DPYD: variants seen among roughly 807,000 people sequenced by gnomAD.
DPYD encodes dihydropyrimidine dehydrogenase.
In DPYD, 109 loss-of-function variants were observed where a neutral mutation model predicts 116.2. The ratio of observed to expected loss-of-function variants is 0.94; its 90% CI spans 0.80 to 1.10. DPYD has a LOEUF of 1.10. DPYD is among the 50% of genes least tolerant of loss of function. DPYD has a pLI of 0.00. For synonymous variants in DPYD, 440 were observed against 432.0 expected (o/e 1.02, Z -0.23); for missense variants, 1,302 against 1,254.5 (o/e 1.04, Z -0.57).
At chr1:97,099,043 A>T (rs1275133484) in intron 20 of DPYD, among the ~76,000 whole-genome samples, 1 of 152,124 alleles carries the variant, frequency 6.6e-6, no homozygotes, top group African/African-American at 2.4e-5. Context: ...AGCATGATAT[A>T]GACACAGTTG....
rs1400001120 is a variant in DPYD at position 97,234,924 on chromosome 1, A to T, written c.2370T>A (p.Ile790=). The change falls in exon 19 of 23, where the codon ATT becomes ATA. Residue 790 remains isoleucine (I), a synonymous_variant. Transcript: ENST00000370192. ...CAGAGTCAATTCCACCAGTAGCCAAAATGGGAAATCCAGGCAGAGCACGAG... is the reference window on the plus strand; with the variant it reads ...CAGAGTCAATTCCACCAGTAGCCAATATGGGAAATCCAGGCAGAGCACGAG... ...SIARALPGFP[I]LATGGIDSAE... is the part of the protein sequence containing the mutation. The T allele has an allele frequency of 2.5e-6, 4 of 1,613,994 alleles. No individual in the cohort carries two copies. The highest frequency in any genetic ancestry group is 1.3e-5 in the African/African-American group (1 of 74,940).
intron 19 of DPYD, among the ~76,000 whole-genome samples, chr1:97,193,925 T>C (rs758158874): frequency 1.3e-5 from 2 of 152,222 alleles, no homozygotes; most frequent in South Asian, 2.1e-4. Context: ...ATGTCCCTTC[T>C]TCAAGGAGGC....
intron 14 of DPYD, among the ~76,000 whole-genome samples, chr1:97,426,274 C>A (rs915720285): frequency 3.3e-5 from 5 of 151,932 alleles, no homozygotes; most frequent in Non-Finnish European, 4.4e-5. Context: ...TGGCAAAATT[C>A]TTTGGGAAAA....
At chr1:97,612,853 G>A (rs979711059) in intron 8 of DPYD, among the ~76,000 whole-genome samples, 1 of 151,888 alleles carries the variant, frequency 6.6e-6, no homozygotes, top group Non-Finnish European at 1.5e-5. Flanking sequence ...TCCTTTCTAT[G>A]AGCATGTGCT....
intron 21 of DPYD, among the ~76,000 whole-genome samples, chr1:97,083,449 T>G (rs987460594): frequency 1.3e-5 from 2 of 152,124 alleles, no homozygotes; most frequent in Non-Finnish European, 2.9e-5. Context: ...GATCTCTAAA[T>G]TATAATATAC....
At position 97,450,101 on chromosome 1, in the gene DPYD, C is replaced by T. The variant is rs1057516388; in HGVS notation, c.1863G>A (p.Trp621Ter). The change falls in exon 14 of 23, where the codon TGG becomes TGA. Residue 621 changes from tryptophan (W) to a stop codon, truncating the protein, a stop_gained. Transcript: ENST00000370192. LOFTEE classifies it high-confidence loss of function. ...ELISEKTAAY[W>*]CQSVTELKAD... The stretch of plus-strand genomic sequence containing the variant: ...CCTTTAGTTCAGTGACACTTTGACA[C>T]CAATATGCAGCCGTTTTCTCACTGA... The T allele has an allele frequency of 4.3e-6, 7 of 1,613,830 alleles. No homozygotes were observed. In the Admixed American group the frequency reaches 6.7e-5, roughly 15 times the overall value.
At chr1:97,150,676 C>T (rs1654947531) in intron 20 of DPYD, among the ~76,000 whole-genome samples, 1 of 152,156 alleles carries the variant, frequency 6.6e-6, no homozygotes, top group African/African-American at 2.4e-5. Flanking sequence ...ATCACTGCAT[C>T]ATCTGCTTTC....
chr1:97,569,183 T>TTAC, intron 11 of DPYD, among the ~76,000 whole-genome samples: 1 of 151,978 alleles, frequency 6.6e-6, no homozygotes, highest in African/African-American at 2.4e-5. Flanking sequence ...GGAAGAATTC[T>TTAC]TACTAATGCA....
intron 17 of DPYD, 102 bp from the exon 18 acceptor site, chr1:97,305,480 T>C (rs1442868644): frequency 7.4e-6 from 11 of 1,484,992 alleles, no homozygotes; most frequent in Non-Finnish European, 1.0e-5. Flanking sequence ...CTATTTTATC[T>C]TGAGAACATG....
chr1:97,876,061 G>T (rs947123620), intron 2 of DPYD, among the ~76,000 whole-genome samples: 33 of 151,934 alleles, frequency 2.2e-4, no homozygotes, highest in African/African-American at 7.7e-4. Flanking sequence ...TTAACTTGGG[G>T]ATAGGAAAAT....
chr1:97,203,016 A>G (rs1659319018), intron 19 of DPYD, among the ~76,000 whole-genome samples: 1 of 152,114 alleles, frequency 6.6e-6, no homozygotes, highest in South Asian at 2.1e-4. Flanking sequence ...AGTCTTCTAC[A>G]CACCAGGATC....
intron 18 of DPYD, among the ~76,000 whole-genome samples, chr1:97,235,794 T>C (rs184664296): frequency 6.6e-6 from 1 of 152,266 alleles, no homozygotes; most frequent in East Asian, 1.9e-4. Flanking sequence ...AACTTACAGA[T>C]TCCATGTTGC....
At chr1:97,563,597 C>T (rs1316679570) in intron 11 of DPYD, among the ~76,000 whole-genome samples, 1 of 152,138 alleles carries the variant, frequency 6.6e-6, no homozygotes, top group Non-Finnish European at 1.5e-5. Context: ...ATGATATCAA[C>T]CAGTAGTGAA....
At chr1:97,394,550 A>G (rs1306645980) in intron 14 of DPYD, 1 of 152,028 alleles carries the variant, frequency 6.6e-6, no homozygotes, top group East Asian at 1.9e-4. Flanking sequence ...AAAGATCACT[A>G]ATCACAGATC....
At chr1:97,513,545 A>C (rs1647966953) in intron 13 of DPYD, among the ~76,000 whole-genome samples, 1 of 151,922 alleles carries the variant, frequency 6.6e-6, no homozygotes, top group Non-Finnish European at 1.5e-5. Flanking sequence ...CAAATTTCAA[A>C]TGTCAAGATT....
intron 18 of DPYD, among the ~76,000 whole-genome samples, chr1:97,243,929 T>C (rs1662542979): frequency 6.6e-6 from 1 of 151,904 alleles, no homozygotes; most frequent in South Asian, 2.1e-4. Context: ...TGTCCAAGAA[T>C]AATAGGACAA....
chr1:97,759,151 C>T (rs961221103), intron 3 of DPYD, among the ~76,000 whole-genome samples: 2 of 152,160 alleles, frequency 1.3e-5, no homozygotes, highest in Non-Finnish European at 2.9e-5. Context: ...GTTTTGCTTA[C>T]TTGCTGCCCA....
chr1:97,828,699 CA>C (rs34581949), intron 2 of DPYD, among the ~76,000 whole-genome samples: 115,079 of 151,658 alleles, frequency 0.76, 44,045 homozygotes, highest in East Asian at 0.98. Context: ...ATTTTTGAAT[CA>C]AAATTTTATA....
chr1:97,266,744 C>T (rs374491652), intron 18 of DPYD, among the ~76,000 whole-genome samples: 4 of 151,964 alleles, frequency 2.6e-5, no homozygotes, highest in South Asian at 2.1e-4. Context: ...GTGTTCTCAT[C>T]GTTCAATTCC....
Sources: allele counts gnomAD v4.1 joint callset (sites outside exome capture counted in the v4.1 genomes callset), GRCh38; gene constraint gnomAD v4.1.1; transcripts MANE v1.5; gene names NCBI Gene and HGNC (gene_info 2026-07-23, HGNC 2026-07-21).